The following DNAH9 variants were observed in gnomAD, a reference collection of about 807,000 sequenced individuals.
DNAH9 encodes the protein dynein axonemal heavy chain 9, also known as DNAH9 variant protein.
A neutral mutation model predicts 471.6 loss-of-function variants in DNAH9; 345 were observed. That is an observed-to-expected ratio of 0.73 (90% CI 0.67 to 0.80). DNAH9 has a LOEUF of 0.80. DNAH9 is among the 30% of genes least tolerant of loss of function. DNAH9 has a pLI of 0.00. For synonymous variants in DNAH9, 2,093 were observed against 2,123.6 expected (o/e 0.99, Z 0.40); for missense variants, 5,407 against 5,609.2 (o/e 0.96, Z 1.15).
intron 19 of DNAH9, among the ~76,000 whole-genome samples, chr17:11,686,677 T>C (rs1308401431): frequency 6.6e-6 from 1 of 152,174 alleles, no homozygotes; most frequent in Non-Finnish European, 1.5e-5. Context: ...GTGGATGAAG[T>C]TTGGAATAAG....
intron 1 of DNAH9, among the ~76,000 whole-genome samples, chr17:11,601,571 T>A (rs914894518): frequency 6.6e-6 from 1 of 152,192 alleles, no homozygotes. Flanking sequence ...TCAAGTCCTT[T>A]CCTTGCATTT....
intron 42 of DNAH9, among the ~76,000 whole-genome samples, chr17:11,797,238 C>T (rs908745063): frequency 4.6e-5 from 7 of 152,100 alleles, no homozygotes; most frequent in Admixed American, 2.6e-4. Flanking sequence ...GATTGGGCCA[C>T]GATCCCCTTC....
intron 29 of DNAH9, among the ~76,000 whole-genome samples, chr17:11,739,919 T>C (rs2075407212): frequency 6.6e-6 from 1 of 152,202 alleles, no homozygotes. Flanking sequence ...ATTTTTGGAC[T>C]CATAAACACA....
intron 60 of DNAH9, among the ~76,000 whole-genome samples, chr17:11,904,213 G>A (rs1973509393): frequency 6.6e-6 from 1 of 152,154 alleles, no homozygotes; most frequent in Middle Eastern, 3.2e-3. Context: ...GGATGTTGAT[G>A]TCACCCAGGC....
rs988063524 is a variant in DNAH9, at chr17:11,892,091, G to A, written c.11283+144G>A. 2 of 926,330 alleles carry A rather than the reference G, an allele frequency of 2.2e-6. No homozygotes were observed. The highest frequency in any genetic ancestry group is 2.4e-5 in the Admixed American group (1 of 41,654). 57.4% of individuals were successfully genotyped at this position (926,330 alleles called of 1,614,324 possible). A position where few individuals can be genotyped will look rare whatever the true frequency, so the allele number is the denominator to read the frequency against. ...TTTGGATAGAGGCATCAGACAAGAA[G>A]GTCCAATGTGGTGTGTGCATCTGCC... On this transcript the variant is annotated intron_variant, in intron 58 of 68. Transcript: ENST00000262442. The surrounding 1 kb of genome is among the most constrained non-coding windows in gnomAD (Gnocchi z 4.3).
chr17:11,961,452 G>T (rs1976170280), intron 67 of DNAH9, among the ~76,000 whole-genome samples: 3 of 152,226 alleles, frequency 2.0e-5, no homozygotes, highest in Admixed American at 6.5e-5. Context: ...TGATTTGGGG[G>T]AATATAGATC....
At chr17:11,728,005 C>T in intron 28 of DNAH9, 83 bp downstream of exon 28, 2 of 865,648 alleles carry the variant, frequency 2.3e-6, no homozygotes, top group Non-Finnish European at 3.9e-6. Flanking sequence ...TTCTACCTCT[C>T]CTGAGCATCT....
intron 42 of DNAH9, 111 bp from the exon 43 acceptor site, chr17:11,797,486 A>G: frequency 1.2e-6 from 1 of 812,202 alleles, no homozygotes; most frequent in Admixed American, 2.8e-5. Flanking sequence ...TGGAAGTAGC[A>G]CTGATGCCTA....
At chr17:11,741,251 A>T (rs549572813) in intron 29 of DNAH9, among the ~76,000 whole-genome samples, 2 of 152,310 alleles carry the variant, frequency 1.3e-5, no homozygotes, top group Admixed American at 6.5e-5. Flanking sequence ...CCAACAAATT[A>T]AAAAAATGTA....
At chr17:11,805,309 T>G (rs1000232351) in intron 43 of DNAH9, among the ~76,000 whole-genome samples, 1 of 152,140 alleles carries the variant, frequency 6.6e-6, no homozygotes, top group Non-Finnish European at 1.5e-5. Context: ...ACTCACATGT[T>G]GTTCATGCGT....
At chr17:11,791,204 G>A (rs1314503585) in intron 41 of DNAH9, among the ~76,000 whole-genome samples, 2 of 152,124 alleles carry the variant, frequency 1.3e-5, no homozygotes, top group Non-Finnish European at 2.9e-5. Flanking sequence ...AATTTTAGGA[G>A]TGTCTTGGAT....
chr17:11,962,286 T>C lies in DNAH9; in HGVS notation c.13233+30T>C. On this transcript the variant is annotated intron_variant, in intron 68 of 68. Coordinates refer to ENST00000262442, the MANE Select transcript of DNAH9 (RefSeq NM_001372.4). The surrounding 1 kb of genome is among the most constrained non-coding windows in gnomAD (Gnocchi z 4.1). ...AGCTTGGAATGAACCAAAGGGCAGCTTTCTGGGGGCTGATTAAATACACAT... is the reference window on the plus strand; with the variant it reads ...AGCTTGGAATGAACCAAAGGGCAGCCTTCTGGGGGCTGATTAAATACACAT... 1 of 1,549,084 alleles carries C rather than the reference T, an allele frequency of 6.5e-7. No individual in the cohort carries two copies. Among genetic ancestry groups the C allele is most frequent in the East Asian group, 2.3e-5 (1 of 44,260 alleles).
intron 43 of DNAH9, among the ~76,000 whole-genome samples, chr17:11,803,115 G>A (rs1969528729): frequency 6.6e-6 from 1 of 152,146 alleles, no homozygotes; most frequent in Admixed American, 6.5e-5. Context: ...TTGTGCTATT[G>A]CCTTATTTCC....
chr17:11,817,196 C>G (rs1177253696), intron 45 of DNAH9, among the ~76,000 whole-genome samples: 2 of 152,198 alleles, frequency 1.3e-5, no homozygotes, highest in Non-Finnish European at 2.9e-5. Flanking sequence ...GCATGACTAC[C>G]TACATCACAA....
intron 62 of DNAH9, 50 bp downstream of exon 62, chr17:11,923,991 T>C (rs1338844275): frequency 1.8e-5 from 29 of 1,593,582 alleles, no homozygotes; most frequent in Non-Finnish European, 2.5e-5. Flanking sequence ...ACTTGCCTCA[T>C]CCCACACTCA....
Position 11,669,505 on chromosome 17 carries a change from A to G in DNAH9, c.3064A>G (p.Lys1022Glu). 1.2e-6 allele frequency: 2 copies of G among 1,614,108 alleles called. No homozygotes were observed. The highest frequency in any genetic ancestry group is 1.7e-6 in the Non-Finnish European group (2 of 1,180,024). Residue 1022 changes from lysine (K) to glutamate (E), a missense_variant, in exon 17 of 69, where the codon AAG becomes GAG. Around this residue, in one of 3 missense-constraint regions of DNAH9, gnomAD observed 4,636 missense variants for 4,900.3 expected, o/e 0.95. Coordinates refer to ENST00000262442, the MANE Select transcript of DNAH9 (RefSeq NM_001372.4). ...QYSYLYVEDR[K>E]EVLGQFLLYG... ...TTCGTACCTCTATGTGGAGGACCGG[A>G]AGGAGGTTCTGGGTCAGTTTCTGCT...
chr17:11,653,277 A>AC (rs1200912377), intron 14 of DNAH9, among the ~76,000 whole-genome samples: 2 of 152,184 alleles, frequency 1.3e-5, no homozygotes, highest in East Asian at 3.8e-4. Flanking sequence ...CCAAGGGAAC[A>AC]GAAGAAGATG....
intron 68 of DNAH9, among the ~76,000 whole-genome samples, chr17:11,964,997 G>A (rs749500907): frequency 8.5e-5 from 13 of 152,210 alleles, no homozygotes; most frequent in Non-Finnish European, 1.9e-4. Flanking sequence ...AAAGACAACT[G>A]CTTAACACTG....
In DNAH9 at chr17:11,611,721, A is replaced by G. The variant is rs1419594998; in HGVS notation, c.845A>G (p.Asp282Gly). The G allele has an allele frequency of 6.2e-7, 1 of 1,614,002 alleles. No homozygotes were observed. Among genetic ancestry groups the G allele is most frequent in the Non-Finnish European group, 8.5e-7 (1 of 1,179,824 alleles). Reference sequence around the variant, plus strand: ...GTGAGGGGCATGGCCAAGCTCCTGGACAAGCTTCAGAGTAGCTACTTTCCA... The same window carrying G: ...GTGAGGGGCATGGCCAAGCTCCTGGGCAAGCTTCAGAGTAGCTACTTTCCA... ...ITVRGMAKLL[D>G]KLQSSYFPAF... is the part of the protein sequence containing the mutation. Residue 282 changes from aspartate to glycine, a missense_variant, in exon 4 of 69, where the codon GAC (aspartate) becomes GGC (glycine). By Grantham distance (94) the Asp-to-Gly change is moderately conservative (BLOSUM62 -1). Transcript: ENST00000262442.
Sources: gnomAD v4.1 joint callset for allele counts (sites outside exome capture counted in the v4.1 genomes callset) on GRCh38, gnomAD v4.1.1 for gene constraint, gnomAD v4.1.1 regional missense constraint, Gnocchi (gnomAD v3.1) non-coding constraint, MANE v1.5 for transcripts, NCBI Gene and HGNC (gene_info 2026-07-23, HGNC 2026-07-21) for gene names.